The following TRPM7 variants were observed in gnomAD, a reference collection of about 807,000 sequenced individuals.
TRPM7 encodes LTRPC ion channel family member 7.
Under a neutral mutation model 229.7 loss-of-function variants are expected in TRPM7, and 134 were observed. That is an observed-to-expected ratio of 0.58 (90% CI 0.51 to 0.67). TRPM7 has a LOEUF of 0.67. Ranked by LOEUF, TRPM7 falls within the 30% of genes least tolerant of loss-of-function variation. The pLI, the probability that TRPM7 is intolerant of heterozygous loss-of-function variation, is 0.00. For synonymous variants in TRPM7, 699 were observed against 715.2 expected (o/e 0.98, Z 0.36); for missense variants, 1,901 against 2,210.0 (o/e 0.86, Z 2.80).
At chr15:50,576,654 C>T (rs953897437) in intron 31 of TRPM7, among the ~76,000 whole-genome samples, 1 of 152,148 alleles carries the variant, frequency 6.6e-6, no homozygotes, top group Non-Finnish European at 1.5e-5. Context: ...TACATCCACC[C>T]AGATGTCACT....
At chr15:50,655,135 T>TAAA (rs34148042) in intron 3 of TRPM7, among the ~76,000 whole-genome samples, 94 of 141,406 alleles carry the variant, frequency 6.6e-4, no homozygotes, top group African/African-American at 1.1e-3. Context: ...AAAAGTTAAT[T>TAAA]AAAAAAAAAA....
intron 13 of TRPM7, among the ~76,000 whole-genome samples, chr15:50,615,884 G>A (rs575286012): frequency 6.7e-4 from 102 of 152,112 alleles, no homozygotes; most frequent in African/African-American, 2.4e-3. Flanking sequence ...CAACAAAGGC[G>A]AAACTCCGTC....
In TRPM7 at chr15:50,569,830, T is replaced by C. The variant is rs1417416716; in HGVS notation, c.5467+57A>G. 7 of 1,137,806 alleles carry C rather than the reference T, an allele frequency of 6.2e-6. No homozygotes were observed. The African/African-American group carries it at 1.1e-4, about 18-fold the overall frequency. 70.5% of individuals were successfully genotyped at this position (1,137,806 alleles called of 1,614,324 possible). On this transcript the variant is annotated intron_variant, in intron 38 of 38. Transcript: ENST00000646667. ...TTGTACCTCTGGCCTTATGAGGTATTGTAGTAACCAAGTTTCGTAACAATT... is the reference window on the plus strand; with the variant it reads ...TTGTACCTCTGGCCTTATGAGGTATCGTAGTAACCAAGTTTCGTAACAATT...
At chr15:50,627,202 A>C (rs1026950428) in intron 11 of TRPM7, among the ~76,000 whole-genome samples, 9 of 152,220 alleles carry the variant, frequency 5.9e-5, no homozygotes, top group Non-Finnish European at 1.2e-4. Flanking sequence ...TGCCCTCAGA[A>C]AGTTTACTTT....
rs1287449035 is a variant in TRPM7 at position 50,609,944 on chromosome 15, T to C, written c.2298A>G (p.Leu766=). ...NSWYKVILSI[L]VPPAILLLEY... ...CTAACAGCAATATGGCAGGTGGAAC[T>C]AAAATGCTTAGTATGACCTAAATTT... The change falls in exon 18 of 39, where the codon TTA becomes TTG. Residue 766 remains leucine (L), a synonymous_variant. Coordinates refer to ENST00000646667, the MANE Select transcript of TRPM7 (RefSeq NM_017672.6). The C allele has an allele frequency of 3.1e-6, 5 of 1,606,426 alleles. No individual in the cohort carries two copies. Among genetic ancestry groups the C allele is most frequent in the Non-Finnish European group, 1.7e-6 (2 of 1,176,498 alleles).
chr15:50,596,767 CT>C (rs1307589565), intron 22 of TRPM7, among the ~76,000 whole-genome samples: 1 of 144,742 alleles, frequency 6.9e-6, no homozygotes, highest in African/African-American at 2.5e-5. Context: ...TTTTTTTCCC[CT>C]GAGACGGAGT....
chr15:50,614,022 G>A (rs2060142869), intron 14 of TRPM7, 101 bp downstream of exon 14: 1 of 1,362,602 alleles, frequency 7.3e-7, no homozygotes, highest in Non-Finnish European at 1.0e-6. Flanking sequence ...TCAACTTTAT[G>A]ACAGTGTAAC....
At chr15:50,601,840 C>T (rs2059789128) in intron 21 of TRPM7, among the ~76,000 whole-genome samples, 1 of 151,714 alleles carries the variant, frequency 6.6e-6, no homozygotes, top group Admixed American at 6.6e-5. Context: ...TTTGCACTAG[C>T]CTATAAAGTG....
At chr15:50,619,270 G>A (rs1027125776) in intron 13 of TRPM7, among the ~76,000 whole-genome samples, 3 of 150,808 alleles carry the variant, frequency 2.0e-5, no homozygotes, top group African/African-American at 7.3e-5. Context: ...ACCCAGGCTG[G>A]AATGCAGTGG....
At chr15:50,580,364 G>A (rs2054340887) in intron 30 of TRPM7, among the ~76,000 whole-genome samples, 1 of 152,106 alleles carries the variant, frequency 6.6e-6, no homozygotes, top group Non-Finnish European at 1.5e-5. Context: ...CTGTCAGATT[G>A]CCTATAGTTT....
chr15:50,637,234 A>C (rs546552316), intron 7 of TRPM7, among the ~76,000 whole-genome samples, 188 bp downstream of exon 7: 4 of 152,230 alleles, frequency 2.6e-5, no homozygotes, highest in African/African-American at 4.8e-5. Context: ...TTGATAACTG[A>C]GTACCCAATT....
At chr15:50,630,772 A>C (rs1443004811) in intron 10 of TRPM7, among the ~76,000 whole-genome samples, 1 of 152,152 alleles carries the variant, frequency 6.6e-6, no homozygotes, top group African/African-American at 2.4e-5. Context: ...CCTGGGCTCA[A>C]GCAATCCTCC....
At chr15:50,595,084 T>A (rs1485332742) in intron 23 of TRPM7, among the ~76,000 whole-genome samples, 1 of 151,922 alleles carries the variant, frequency 6.6e-6, no homozygotes, top group Non-Finnish European at 1.5e-5. Flanking sequence ...ATGCCTATAG[T>A]CCCAGCTACT....
intron 21 of TRPM7, among the ~76,000 whole-genome samples, chr15:50,601,629 G>A (rs1039148379): frequency 3.9e-5 from 6 of 152,038 alleles, no homozygotes; most frequent in African/African-American, 9.7e-5. Flanking sequence ...GTGACACAGC[G>A]AGACTCCATC....
At chr15:50,624,348 T>C (rs767457616) in intron 11 of TRPM7, 48 bp from the exon 12 acceptor site, 18 of 1,466,244 alleles carry the variant, frequency 1.2e-5, no homozygotes, top group African/African-American at 4.3e-5. Flanking sequence ...ATTCTAATTA[T>C]ACAAACACTT....
At chr15:50,654,019 T>C (rs1423295707) in intron 3 of TRPM7, among the ~76,000 whole-genome samples, 1 of 151,972 alleles carries the variant, frequency 6.6e-6, no homozygotes, top group African/African-American at 2.4e-5. Flanking sequence ...AAAATAGAAG[T>C]AGAACTGCCC....
chr15:50,640,271 T>G (rs1209747767), intron 5 of TRPM7, among the ~76,000 whole-genome samples: 1 of 151,968 alleles, frequency 6.6e-6, no homozygotes, highest in Non-Finnish European at 1.5e-5. Flanking sequence ...TCATTATCAC[T>G]TCTTTTTTTT....
At chr15:50,666,716 T>A (rs2061891931) in intron 1 of TRPM7, among the ~76,000 whole-genome samples, 1 of 151,652 alleles carries the variant, frequency 6.6e-6, no homozygotes, top group South Asian at 2.1e-4. Context: ...GCAGGAGAAT[T>A]GCTTGAACCT....
chr15:50,685,375 T>A (rs2062334345), intron 1 of TRPM7, among the ~76,000 whole-genome samples: 1 of 152,222 alleles, frequency 6.6e-6, no homozygotes, highest in South Asian at 2.1e-4. Flanking sequence ...GAGAATCGCC[T>A]GAATCCCGGA....
Sources: gnomAD v4.1 joint callset for allele counts (sites outside exome capture counted in the v4.1 genomes callset) on GRCh38, gnomAD v4.1.1 for gene constraint, MANE v1.5 for transcripts, NCBI Gene and HGNC (gene_info 2026-07-23, HGNC 2026-07-21) for gene names.